The following RAB3C variants were observed in gnomAD, a reference collection of about 807,000 sequenced individuals.
The protein encoded by RAB3C is ras-related protein Rab-3C.
A neutral mutation model predicts 26.4 loss-of-function variants in RAB3C; 17 were observed. That is an observed-to-expected ratio of 0.64 (90% CI 0.44 to 0.97). RAB3C has a LOEUF of 0.97. Ranked by LOEUF, RAB3C falls within the 50% of genes least tolerant of loss-of-function variation. RAB3C has a pLI of 0.00. For synonymous variants in RAB3C, 91 were observed against 95.9 expected, an observed-to-expected ratio of 0.95 and a Z score of 0.30; for missense variants, 242 against 281.9, an observed-to-expected ratio of 0.86 and a Z score of 1.01.
intron 1 of RAB3C, among the ~76,000 whole-genome samples, chr5:58,586,654 G>C (rs982187258): frequency 6.6e-6 from 1 of 151,958 alleles, no homozygotes; most frequent in Non-Finnish European, 1.5e-5. Context: ...AGCTTTTGGG[G>C]TCACTTCATA....
chr5:58,595,873 T>C (rs1401714505), intron 1 of RAB3C, among the ~76,000 whole-genome samples: 1 of 152,196 alleles, frequency 6.6e-6, no homozygotes, highest in Non-Finnish European at 1.5e-5. Flanking sequence ...AACGATTCTT[T>C]ACATTTTGTT....
intron 1 of RAB3C, among the ~76,000 whole-genome samples, chr5:58,590,992 A>T (rs1746116360): frequency 6.6e-6 from 1 of 152,198 alleles, no homozygotes; most frequent in Non-Finnish European, 1.5e-5. Context: ...TTTGGCACTT[A>T]TGATGTTTTT....
intron 2 of RAB3C, among the ~76,000 whole-genome samples, chr5:58,661,847 G>C: frequency 6.7e-6 from 1 of 149,458 alleles, no homozygotes; most frequent in South Asian, 2.1e-4. Flanking sequence ...GATGGACAGA[G>C]GGGTTAGAGA....
At chr5:58,591,819 T>G (rs1347154917) in intron 1 of RAB3C, among the ~76,000 whole-genome samples, 1 of 150,858 alleles carries the variant, frequency 6.6e-6, no homozygotes, top group Non-Finnish European at 1.5e-5. Context: ...TTTCTCTGTT[T>G]CGTTTTTATA....
At chr5:58,714,883 G>T (rs893708883) in intron 2 of RAB3C, among the ~76,000 whole-genome samples, 4 of 151,786 alleles carry the variant, frequency 2.6e-5, no homozygotes, top group African/African-American at 9.7e-5. Flanking sequence ...GAACAAGATA[G>T]TAAATATACA....
At chr5:58,721,607 A>G (rs893214589) in intron 2 of RAB3C, among the ~76,000 whole-genome samples, 7 of 151,892 alleles carry the variant, frequency 4.6e-5, no homozygotes, top group Non-Finnish European at 8.8e-5. Context: ...AACGTCAATT[A>G]TAATGAAGTG....
At chr5:58,631,145 G>A (rs765657307) in intron 2 of RAB3C, among the ~76,000 whole-genome samples, 3 of 152,206 alleles carry the variant, frequency 2.0e-5, no homozygotes, top group Non-Finnish European at 2.9e-5. Flanking sequence ...GCAACAGCAA[G>A]TGCAAAGGAC....
rs1437759771 is a variant in RAB3C, at chr5:58,627,491, A to C, written c.252+9621A>C. On this transcript the variant is annotated intron_variant, in intron 2 of 4. Transcript: ENST00000282878. Reference sequence around the variant, plus strand: ...CGTCTTAAAAAAAAAAAAAAAAAAAAAAAAAAAAAAAAAAAAAAAAAAAAA... The same window carrying C: ...CGTCTTAAAAAAAAAAAAAAAAAAACAAAAAAAAAAAAAAAAAAAAAAAAA... Among the ~76,000 whole-genome samples, 24 of 24,248 alleles carry C rather than the reference A, an allele frequency of 9.9e-4. 2 individuals are homozygous for C. In the East Asian group the frequency reaches 0.014, roughly 14 times the overall value. 15.9% of individuals were successfully genotyped at this position (24,248 alleles called of 152,430 possible).
chr5:58,700,840 G>A (rs1748826223), intron 2 of RAB3C, among the ~76,000 whole-genome samples: 1 of 152,134 alleles, frequency 6.6e-6, no homozygotes, highest in Non-Finnish European at 1.5e-5. Context: ...GAAAAAAATT[G>A]AGAGCACTTG....
At chr5:58,636,022 G>T (rs1246481749) in intron 2 of RAB3C, among the ~76,000 whole-genome samples, 1 of 152,168 alleles carries the variant, frequency 6.6e-6, no homozygotes, top group African/African-American at 2.4e-5. Flanking sequence ...GGGCCAAAGA[G>T]AATATAGTAT....
intron 2 of RAB3C, among the ~76,000 whole-genome samples, chr5:58,618,704 G>T (rs444108): frequency 0.23 from 35,100 of 152,028 alleles, 4,203 homozygotes; most frequent in Admixed American, 0.3. Context: ...GACTGATGTA[G>T]TAAATATTTT....
chr5:58,815,442 G>A (rs759725047), intron 3 of RAB3C, among the ~76,000 whole-genome samples: 1 of 152,164 alleles, frequency 6.6e-6, no homozygotes, highest in Non-Finnish European at 1.5e-5. Context: ...GATCAGAAAG[G>A]AAAATGTGAC....
At chr5:58,821,750 A>G (rs914703451) in intron 3 of RAB3C, among the ~76,000 whole-genome samples, 1 of 152,230 alleles carries the variant, frequency 6.6e-6, no homozygotes, top group Non-Finnish European at 1.5e-5. Context: ...TACTTGGTTC[A>G]GGGGAATATG....
intron 2 of RAB3C, among the ~76,000 whole-genome samples, chr5:58,710,184 T>C (rs1241059073): frequency 6.6e-6 from 1 of 152,198 alleles, no homozygotes; most frequent in African/African-American, 2.4e-5. Context: ...CATCCCACTA[T>C]GGTTTTAGAA....
At chr5:58,591,725 G>C (rs891358345) in intron 1 of RAB3C, among the ~76,000 whole-genome samples, 3 of 149,666 alleles carry the variant, frequency 2.0e-5, no homozygotes, top group Non-Finnish European at 4.5e-5. Flanking sequence ...CTTTTTCTTG[G>C]TCCATTTTCA....
intron 4 of RAB3C, among the ~76,000 whole-genome samples, chr5:58,837,049 T>G (rs376181921): frequency 4.6e-5 from 7 of 152,336 alleles, no homozygotes; most frequent in South Asian, 2.1e-4. Context: ...CATTTGTTAT[T>G]TTTTGTGTTT....
chr5:58,608,694 A>G (rs529370497), intron 1 of RAB3C, among the ~76,000 whole-genome samples: 12 of 152,356 alleles, frequency 7.9e-5, no homozygotes, highest in Non-Finnish European at 1.5e-4. Context: ...CTGGGTATAT[A>G]CCCAAATGAT....
intron 1 of RAB3C, among the ~76,000 whole-genome samples, chr5:58,596,005 A>G (rs754117426): frequency 1.3e-5 from 2 of 152,090 alleles, no homozygotes; most frequent in South Asian, 2.1e-4. Flanking sequence ...TCTAAGTTGT[A>G]TAAGGGGAAG....
At chr5:58,828,135 G>C (rs1400221) in intron 4 of RAB3C, among the ~76,000 whole-genome samples, 92,705 of 152,026 alleles carry the variant, frequency 0.61, 28,559 homozygotes, top group Middle Eastern at 0.74. Context: ...GCTGTCGGTC[G>C]CAATCCAGTT....
Sources: allele counts gnomAD v4.1 joint callset (sites outside exome capture counted in the v4.1 genomes callset), GRCh38; gene constraint gnomAD v4.1.1; transcripts MANE v1.5; gene names NCBI Gene and HGNC (gene_info 2026-07-23, HGNC 2026-07-21).